ZNF12: variants seen among roughly 807,000 people sequenced by gnomAD.
The protein encoded by ZNF12 is gonadotropin inducible transcription repressor 3.
ZNF12 carries 34 observed loss-of-function variants against 66.6 expected under a neutral mutation model. The ratio of observed to expected loss-of-function variants is 0.51; its 90% confidence interval spans 0.39 to 0.68. ZNF12 has a LOEUF of 0.68. Ranked by LOEUF, ZNF12 falls within the 30% of genes least tolerant of loss-of-function variation. The pLI is 0.00. For synonymous variants in ZNF12, 320 were observed against 278.9 expected, an observed-to-expected ratio of 1.15 and a Z score of -1.47; for missense variants, 697 against 826.9, an observed-to-expected ratio of 0.84 and a Z score of 1.93.
At position 6,705,656 on chromosome 7, in the gene ZNF12, T is replaced by C. The variant is rs1050895220; in HGVS notation, c.-50-433A>G. Among the ~76,000 whole-genome samples the C allele has an allele frequency of 2.0e-5, 3 of 149,576 alleles. No homozygotes were observed. In the South Asian group the frequency reaches 6.4e-4, roughly 32 times the overall value. On this transcript the variant is annotated intron_variant, in intron 1 of 4. Transcript: ENST00000405858. The surrounding 1 kb of genome is among the most constrained non-coding windows in gnomAD (Gnocchi z 4.0). The stretch of plus-strand genomic sequence containing the variant: ...ATCGCTTGAACCCGGGAGGCGGAGG[T>C]TGCAGTGAGCTGGGATGGCACCATT...
At position 6,689,746 on chromosome 7, in the gene ZNF12, C is replaced by G. The variant is rs1370386827; in HGVS notation, c.*1102G>C. ...CACTCGGCAATGTCTGCCACAGACC[C>G]TTGTTAGAATGTGTTCTTAATTCAT... is the stretch of plus-strand genomic sequence containing the variant. On this transcript the variant is annotated 3_prime_UTR_variant, in exon 5 of 5. Coordinates refer to ENST00000405858, the MANE Select transcript of ZNF12 (RefSeq NM_016265.4). 1 of 152,040 alleles carries G rather than the reference C, an allele frequency of 6.6e-6. No homozygotes were observed. Among genetic ancestry groups the G allele is most frequent in the Non-Finnish European group, 1.5e-5 (1 of 67,982 alleles). The allele number at this position is 152,040 out of a possible 1,614,324, so 9.4% of individuals were successfully genotyped here.
In ZNF12 at chr7:6,697,271, A is replaced by G. The variant is rs2115350917; in HGVS notation, c.238+68T>C. The G allele has an allele frequency of 8.1e-7, 1 of 1,227,744 alleles. No homozygotes were observed. The highest frequency in any genetic ancestry group is 1.9e-4 in the Middle Eastern group (1 of 5,280). 76.1% of individuals were successfully genotyped at this position (1,227,744 alleles called of 1,614,324 possible). Reference sequence around the variant, plus strand: ...TTCTAGTCACTTCTAAAGGTTCGGGACCATTAAAAAATCCCTGGGAAAAAC... The same window carrying G: ...TTCTAGTCACTTCTAAAGGTTCGGGGCCATTAAAAAATCCCTGGGAAAAAC... On this transcript the variant is annotated intron_variant, in intron 4 of 4. Transcript: ENST00000405858. This position sits in a 1 kb window ranked among gnomAD's most constrained non-coding sequence, Gnocchi z 6.1.
chr7:6,706,289 C>T lies in ZNF12; in HGVS notation c.-51+143G>A, dbSNP rs574180275. On this transcript the variant is annotated intron_variant, in intron 1 of 4. Coordinates refer to ENST00000405858, the MANE Select transcript of ZNF12 (RefSeq NM_016265.4). Reference sequence around the variant, plus strand: ...CCCACGCCCCCGTAAGCCTCGTCCTCGCCGGACCCTGCCTTCAAACCCAAA... The same window carrying T: ...CCCACGCCCCCGTAAGCCTCGTCCTTGCCGGACCCTGCCTTCAAACCCAAA... The T allele has an allele frequency of 1.7e-3, 691 of 414,772 alleles. 11 individuals are homozygous for T. The highest frequency in any genetic ancestry group is 0.01 in the South Asian group (601 of 58,784). 25.7% of individuals were successfully genotyped at this position (414,772 alleles called of 1,614,324 possible). A position where few individuals can be genotyped will look rare whatever the true frequency, so the allele number is the denominator to read the frequency against.
chr7:6,690,753 T>C lies in ZNF12; in HGVS notation c.*95A>G, dbSNP rs572537482. The stretch of plus-strand genomic sequence containing the variant: ...ACAAGGGGATGTCCACACTAACCTG[T>C]GTGAACTCTCTGATGTACAAGGTGT... On this transcript the variant is annotated 3_prime_UTR_variant, in exon 5 of 5. Coordinates refer to ENST00000405858, the MANE Select transcript of ZNF12 (RefSeq NM_016265.4). 4.0e-4 allele frequency: 512 copies of C among 1,280,028 alleles called. No individual in the cohort carries two copies. Among genetic ancestry groups the C allele is most frequent in the Admixed American group, 5.3e-4 (19 of 36,116 alleles). The allele number at this position is 1,280,028 out of a possible 1,614,324, so 79.3% of individuals were successfully genotyped here. A position where few individuals can be genotyped will look rare whatever the true frequency, so the allele number is the denominator to read the frequency against.
rs1583465365 is a variant in ZNF12 at position 6,697,439 on chromosome 7, T to C, written c.143-5A>G. On this transcript the variant is annotated splice_polypyrimidine_tract_variant and splice_region_variant and intron_variant, in intron 3 of 4. Transcript: ENST00000405858. This position sits in a 1 kb window ranked among gnomAD's most constrained non-coding sequence, Gnocchi z 6.1. ...CCGGTTTGATAATGTGATACCCTGT[T>C]AATGAGAAATGAAAGAGAACTTGAG... 1.9e-6 allele frequency: 3 copies of C among 1,609,350 alleles called. No individual in the cohort carries two copies. The highest frequency in any genetic ancestry group is 2.5e-6 in the Non-Finnish European group (3 of 1,177,592).
chr7:6,700,304 TACACACACACACACACAC>T (rs71539972), intron 2 of ZNF12, among the ~76,000 whole-genome samples: 2 of 129,036 alleles, frequency 1.5e-5, no homozygotes, highest in Non-Finnish European at 3.2e-5. Context: ...AAAAAAAATA[TACACACACACACACACAC>T]ACACACACAC....
At position 6,692,156 on chromosome 7, in the gene ZNF12, A is replaced by G. The variant is rs1182985334; in HGVS notation, c.786T>C (p.Ser262=). 6.2e-7 allele frequency: 1 copy of G among 1,614,160 alleles called. No homozygotes were observed. Among genetic ancestry groups the G allele is most frequent in the South Asian group, 1.1e-5 (1 of 91,078 alleles). The change falls in exon 5 of 5, where the codon TCT becomes TCC. Residue 262 remains serine, a synonymous_variant. Coordinates refer to ENST00000405858, the MANE Select transcript of ZNF12 (RefSeq NM_016265.4). This position sits in a 1 kb window ranked among gnomAD's most constrained non-coding sequence, Gnocchi z 5.1. ...ATTCATAGGGCTTCATTTCCATATG[A>G]GATGTCTGATGTACAGTGAGGTCCG... is the stretch of plus-strand genomic sequence containing the variant. The part of the protein sequence containing the change: ...QMSDLTVHQT[S]HMEMKPYECS...
Position 6,689,286 on chromosome 7 carries a change from A to G in ZNF12, c.*1562T>C, listed in dbSNP as rs1362705350. 6.6e-6 allele frequency: 1 copy of G among 152,266 alleles called. No individual in the cohort carries two copies. Among genetic ancestry groups the G allele is most frequent in the Non-Finnish European group, 1.5e-5 (1 of 68,054 alleles). 9.4% of individuals were successfully genotyped at this position (152,266 alleles called of 1,614,324 possible). On this transcript the variant is annotated 3_prime_UTR_variant, in exon 5 of 5. Coordinates refer to ENST00000405858, the MANE Select transcript of ZNF12 (RefSeq NM_016265.4). ...TTTCTGCTCAGGCCATGATTAAACT[A>G]TAATCCATTGCTGAAAGATGGTTAC...
chr7:6,697,421 GATA>G lies in ZNF12; in HGVS notation c.153_155del (p.Ile52del), dbSNP rs1354056604. 1 of 1,611,732 alleles carries G rather than the reference GATA, an allele frequency of 6.2e-7. No individual in the cohort carries two copies. The highest frequency in any genetic ancestry group is 8.5e-7 in the Non-Finnish European group (1 of 1,178,946). On this transcript the variant is annotated inframe_deletion, in exon 4 of 5. Coordinates refer to ENST00000405858, the MANE Select transcript of ZNF12 (RefSeq NM_016265.4). The surrounding 1 kb of genome is among the most constrained non-coding windows in gnomAD (Gnocchi z 6.1). ...CCAACTTGCTGATAACATCCGGTTT[GATA>G]ATGTGATACCCTGTTAATGAGAAAT...
In ZNF12 at chr7:6,706,529, C is replaced by T. The variant is rs530042907; in HGVS notation, c.-148G>A. 16 of 471,820 alleles carry T rather than the reference C, an allele frequency of 3.4e-5. No homozygotes were observed. The highest frequency in any genetic ancestry group is 2.4e-4 in the South Asian group (16 of 65,712). 29.2% of individuals were successfully genotyped at this position (471,820 alleles called of 1,614,324 possible). A position where few individuals can be genotyped will look rare whatever the true frequency, so the allele number is the denominator to read the frequency against. On this transcript the variant is annotated 5_prime_UTR_variant, in exon 1 of 5. Coordinates refer to ENST00000405858, the MANE Select transcript of ZNF12 (RefSeq NM_016265.4). Reference sequence around the variant, plus strand: ...GTCTGCTCGCGAGGTCCCTTCCTGTCCACCTCACCAAGGCCGTTCTGCTCC... The same window carrying T: ...GTCTGCTCGCGAGGTCCCTTCCTGTTCACCTCACCAAGGCCGTTCTGCTCC...
chr7:6,690,806 A>G lies in ZNF12; in HGVS notation c.*42T>C. The G allele has an allele frequency of 2.0e-6, 3 of 1,522,054 alleles. No individual in the cohort carries two copies. Among genetic ancestry groups the G allele is most frequent in the Non-Finnish European group, 2.6e-6 (3 of 1,136,138 alleles). The allele number at this position is 1,522,054 out of a possible 1,614,324, so 94.3% of individuals were successfully genotyped here. On this transcript the variant is annotated 3_prime_UTR_variant, in exon 5 of 5. Transcript: ENST00000405858. ...GACTTCAGGCAGGAGTTTCTGATTC[A>G]CTATACTGAAAGGGTTCTCTGATAT...
chr7:6,692,292 A>G lies in ZNF12; in HGVS notation c.650T>C (p.Phe217Ser). ...GGCTTTCTGGCATTCAATATATTCA[A>G]AAGGTTTCTCCAAAATACGAATTTT... ...YQKIRILEKP[F>S]EYIECQKAFQ... The change falls in exon 5 of 5, where the codon TTT becomes TCT. Residue 217 changes from phenylalanine to serine, a missense_variant. By Grantham distance (155) the Phe-to-Ser change is radical (BLOSUM62 -2). This residue lies in a region of ZNF12 where 241 missense variants were observed against 224.0 expected (regional missense o/e 1.08). Transcript: ENST00000405858. This position sits in a 1 kb window ranked among gnomAD's most constrained non-coding sequence, Gnocchi z 5.1. 6.2e-7 allele frequency: 1 copy of G among 1,611,708 alleles called. No individual in the cohort carries two copies. The highest frequency in any genetic ancestry group is 1.1e-5 in the South Asian group (1 of 90,400).
chr7:6,704,993 C>T (rs140957431), intron 2 of ZNF12, among the ~76,000 whole-genome samples, 166 bp downstream of exon 2: 182 of 152,284 alleles, frequency 1.2e-3, no homozygotes, highest in Non-Finnish European at 2.3e-3. Context: ...ACGCTATCTG[C>T]GCATATGAAT....
At position 6,698,533 on chromosome 7, in the gene ZNF12, G is replaced by C. The variant is rs888117533; in HGVS notation, c.16-722C>G. On this transcript the variant is annotated intron_variant, in intron 2 of 4. Coordinates refer to ENST00000405858, the MANE Select transcript of ZNF12 (RefSeq NM_016265.4). This position sits in a 1 kb window ranked among gnomAD's most constrained non-coding sequence, Gnocchi z 4.4. The stretch of plus-strand genomic sequence containing the variant: ...CTACTGGAACCAACCCACAATATTT[G>C]ACACAATTACCAAAATAACAAACAG... Among the ~76,000 whole-genome samples the C allele has an allele frequency of 5.3e-5, 8 of 152,164 alleles. No individual in the cohort carries two copies. Among genetic ancestry groups the C allele is most frequent in the African/African-American group, 1.9e-4 (8 of 41,432 alleles).
intron 2 of ZNF12, among the ~76,000 whole-genome samples, chr7:6,704,000 T>G (rs1355181736): frequency 6.6e-6 from 1 of 152,200 alleles, no homozygotes; most frequent in African/African-American, 2.4e-5. Context: ...TATGGTCCTT[T>G]CTGCTGTGCA....
chr7:6,704,696 C>T (rs1353233934), intron 2 of ZNF12, among the ~76,000 whole-genome samples: 4 of 129,460 alleles, frequency 3.1e-5, no homozygotes, highest in African/African-American at 1.2e-4. Context: ...GCTGAGATAG[C>T]GCCACTGCAC....
rs1428688500 is a variant in ZNF12, at chr7:6,696,134, C to A, written c.238+1205G>T. On this transcript the variant is annotated intron_variant, in intron 4 of 4. Coordinates refer to ENST00000405858, the MANE Select transcript of ZNF12 (RefSeq NM_016265.4). This position sits in a 1 kb window ranked among gnomAD's most constrained non-coding sequence, Gnocchi z 4.0. ...ACTGGAAACTTTAGATGAAGACATA[C>A]TGCAAATCCAGCTAGGACTCATAGC... is the stretch of plus-strand genomic sequence containing the variant. Among the ~76,000 whole-genome samples the A allele has an allele frequency of 6.6e-6, 1 of 152,188 alleles. No homozygotes were observed. Among genetic ancestry groups the A allele is most frequent in the Non-Finnish European group, 1.5e-5 (1 of 68,036 alleles).
At position 6,698,120 on chromosome 7, in the gene ZNF12, C is replaced by G. The variant is rs1274689168; in HGVS notation, c.16-309G>C. ...CCCCTGAGGAGCACAGGCCTGGGGA[C>G]ACTCACAGAACCCCAGGATGCACTC... On this transcript the variant is annotated intron_variant, in intron 2 of 4. Coordinates refer to ENST00000405858, the MANE Select transcript of ZNF12 (RefSeq NM_016265.4). This position sits in a 1 kb window ranked among gnomAD's most constrained non-coding sequence, Gnocchi z 4.4. The G allele has an allele frequency of 1.4e-5, 8 of 555,232 alleles. No individual in the cohort carries two copies. The East Asian group carries it at 3.4e-4, about 24-fold the overall frequency. The allele number at this position is 555,232 out of a possible 1,614,324, so 34.4% of individuals were successfully genotyped here.
rs1449525840 is a variant in ZNF12, at chr7:6,705,975, G to A, written c.-51+457C>T. Among the ~76,000 whole-genome samples, 2 of 152,134 alleles carry A rather than the reference G, an allele frequency of 1.3e-5. No homozygotes were observed. The highest frequency in any genetic ancestry group is 2.9e-5 in the Non-Finnish European group (2 of 68,026). On this transcript the variant is annotated intron_variant, in intron 1 of 4. Transcript: ENST00000405858. The surrounding 1 kb of genome is among the most constrained non-coding windows in gnomAD (Gnocchi z 4.0). ...CTGGCCTGGGAGATAAAACTCCAGAGTTCTACTATGAGCAACTCCACCCAC... is the reference window on the plus strand; with the variant it reads ...CTGGCCTGGGAGATAAAACTCCAGAATTCTACTATGAGCAACTCCACCCAC...
Sources: allele counts gnomAD v4.1 joint callset (sites outside exome capture counted in the v4.1 genomes callset), GRCh38; gene constraint gnomAD v4.1.1; regional missense constraint gnomAD v4.1.1; non-coding constraint Gnocchi (gnomAD v3.1); transcripts MANE v1.5; gene names NCBI Gene and HGNC (gene_info 2026-07-23, HGNC 2026-07-21).